PKD1: variants seen among roughly 807,000 people sequenced by gnomAD.
PKD1 encodes the protein polycystin 1, transient receptor potential channel interacting.
A neutral mutation model predicts 361.7 loss-of-function variants in PKD1; 81 were observed. That is an observed-to-expected ratio of 0.22 (90% confidence interval 0.19 to 0.27). PKD1 has a LOEUF of 0.27. Ranked by LOEUF, PKD1 falls within the 10% of genes least tolerant of loss-of-function variation. PKD1 has a pLI of 1.00. For synonymous variants in PKD1, 3,615 were observed against 2,818.3 expected (o/e 1.28, Z -8.95); for missense variants, 6,399 against 6,118.3 (o/e 1.05, Z -1.53).
intron 34 of PKD1, among the ~76,000 whole-genome samples, chr16:2,096,009 A>G (rs1175978276): frequency 6.6e-6 from 1 of 152,176 alleles, no homozygotes; most frequent in Non-Finnish European, 1.5e-5. Flanking sequence ...TTTTTGTTTG[A>G]GTCCAGGGGC....
intron 1 of PKD1, among the ~76,000 whole-genome samples, chr16:2,123,028 G>A (rs1182734150): frequency 6.6e-6 from 1 of 152,222 alleles, no homozygotes; most frequent in Non-Finnish European, 1.5e-5. Flanking sequence ...CAGGGCAGGG[G>A]TGGGGGCAGG....
In PKD1 at chr16:2,110,220, C is replaced by G. The variant is rs768122483; in HGVS notation, c.4947G>C (p.Thr1649=). 6.2e-7 allele frequency: 1 copy of G among 1,612,026 alleles called. No homozygotes were observed. Among genetic ancestry groups the G allele is most frequent in the Non-Finnish European group, 8.5e-7 (1 of 1,179,808 alleles). The change falls in exon 15 of 46, where the codon ACG becomes ACC. Residue 1649 remains threonine, a synonymous_variant. Transcript: ENST00000262304. ...GGGRYFPTNH[T]VQLQAVVRDG... is the part of the protein sequence containing the mutation. ...CCCTAACCACGGCCTGCAGCTGTAC[C>G]GTGTGGTTGGTGGGGAAGTAGCGGC...
Position 2,090,201 on chromosome 16 carries a change from G to T in PKD1, c.12445-7C>A. 3 of 1,606,632 alleles carry T rather than the reference G, an allele frequency of 1.9e-6. No individual in the cohort carries two copies. The highest frequency in any genetic ancestry group is 4.5e-5 in the East Asian group (2 of 44,760). On this transcript the variant is annotated splice_polypyrimidine_tract_variant and splice_region_variant and intron_variant, in intron 45 of 45. Coordinates refer to ENST00000262304, the MANE Select transcript of PKD1 (RefSeq NM_001009944.3). Reference sequence around the variant, plus strand: ...AGCGGACTTTGTGGCGGAACTGGGGGCGGCACAGGGGCTCAGTCAGTCCGG... The same window carrying T: ...AGCGGACTTTGTGGCGGAACTGGGGTCGGCACAGGGGCTCAGTCAGTCCGG...
intron 24 of PKD1, 90 bp downstream of exon 24, chr16:2,102,724 C>T: frequency 6.2e-7 from 1 of 1,605,478 alleles, no homozygotes; most frequent in Non-Finnish European, 8.5e-7. Flanking sequence ...AGTCCCCTCG[C>T]TGCCTGCCGT....
chr16:2,126,340 A>G (rs1256430040), intron 1 of PKD1, among the ~76,000 whole-genome samples: 1 of 152,254 alleles, frequency 6.6e-6, no homozygotes, highest in Non-Finnish European at 1.5e-5. Flanking sequence ...GCCTCACAGA[A>G]GCCAGCCTGT....
rs2092559834 is a variant in PKD1, at chr16:2,113,047, C to A, written c.2986-84G>T. On this transcript the variant is annotated intron_variant, in intron 12 of 45. Transcript: ENST00000262304. Reference sequence around the variant, plus strand: ...CGTCCCTCCCTCCACTCACCCACAGCCATGGCAGCGTCCTCGGGCAGCATG... The same window carrying A: ...CGTCCCTCCCTCCACTCACCCACAGACATGGCAGCGTCCTCGGGCAGCATG... The A allele has an allele frequency of 2.1e-6, 3 of 1,423,012 alleles. No individual in the cohort carries two copies. In the South Asian group the frequency reaches 3.4e-5, roughly 16 times the overall value. 88.1% of individuals were successfully genotyped at this position (1,423,012 alleles called of 1,614,324 possible).
chr16:2,103,122 C>G, intron 23 of PKD1, 144 bp downstream of exon 23: 1 of 1,291,900 alleles, frequency 7.7e-7, no homozygotes, highest in Non-Finnish European at 1.1e-6. Context: ...TCCGTGGCCC[C>G]CAGCTCCTCT....
chr16:2,112,467 G>A lies in PKD1; in HGVS notation c.3168C>T (p.Thr1056=), dbSNP rs770188395. ...DSAVEVAFLW[T]FGDGEQALHQ... is the part of the protein sequence containing the mutation. ...GGAGGGCCTGCTCCCCATCCCCAAA[G>A]GTCCACCTGCCGGGGCGGTGGGACG... The change falls in exon 14 of 46, where the codon ACC becomes ACT. Residue 1056 remains threonine, a synonymous_variant. Transcript: ENST00000262304. 16 of 1,588,988 alleles carry A rather than the reference G, an allele frequency of 1.0e-5. No individual in the cohort carries two copies. Among genetic ancestry groups the A allele is most frequent in the Middle Eastern group, 4.5e-4 (2 of 4,414 alleles).
At chr16:2,120,083 G>A (rs1296939714) in intron 1 of PKD1, 5 of 577,250 alleles carry the variant, frequency 8.7e-6, no homozygotes, top group African/African-American at 5.6e-5. Context: ...GGCGGCATGC[G>A]CCTGGGGTCC....
chr16:2,090,330 G>C lies in PKD1; in HGVS notation c.12399C>G (p.Phe4133Leu). 1.9e-6 allele frequency: 3 copies of C among 1,612,234 alleles called. No individual in the cohort carries two copies. The highest frequency in any genetic ancestry group is 2.5e-6 in the Non-Finnish European group (3 of 1,179,650). ...CCATCCAGAGGCGCAGCCTGCGCAG[G>C]AACAACTCCACCATCTCGTAGTCCT... ...EPQDYEMVELFLRRLRLWMGL... is the reference protein window; with the variant it reads ...EPQDYEMVELLLRRLRLWMGL... Residue 4133 changes from phenylalanine to leucine, a missense_variant, in exon 45 of 46, where the codon TTC becomes TTG. By Grantham distance (22) the Phe-to-Leu change is conservative. Transcript: ENST00000262304.
At chr16:2,105,025 AGGGAAG>A (rs1299033166) in intron 21 of PKD1, among the ~76,000 whole-genome samples, 1 of 32,508 alleles carries the variant, frequency 3.1e-5, no homozygotes, top group East Asian at 9.6e-4. Context: ...GGGCTAGGGG[AGGGAAG>A]GGGGAGGGGA....
At position 2,094,163 on chromosome 16, in the gene PKD1, A is replaced by G; in HGVS notation, c.10547T>C (p.Leu3516Pro). ...EKTETLALQR[L>P]GELGPPSPGL... ...TGGGCTGGGTGGCCCCAGCTCCCCC[A>G]GCCTCTGCAGCGCCAGCGTCTCTGT... Residue 3516 changes from leucine to proline, a missense_variant, in exon 35 of 46, where the codon CTG (leucine) becomes CCG (proline). Coordinates refer to ENST00000262304, the MANE Select transcript of PKD1 (RefSeq NM_001009944.3). 1 of 1,604,700 alleles carries G rather than the reference A, an allele frequency of 6.2e-7. No individual in the cohort carries two copies. Among genetic ancestry groups the G allele is most frequent in the Non-Finnish European group, 8.5e-7 (1 of 1,175,778 alleles).
chr16:2,091,084 C>T lies in PKD1; in HGVS notation c.11803G>A (p.Ala3935Thr), dbSNP rs1412564175. 1.6e-5 allele frequency: 24 copies of T among 1,508,118 alleles called. No homozygotes were observed. The highest frequency in any genetic ancestry group is 2.6e-5 in the East Asian group (1 of 38,222). 93.4% of individuals were successfully genotyped at this position (1,508,118 alleles called of 1,614,324 possible). A position where few individuals can be genotyped will look rare whatever the true frequency, so the allele number is the denominator to read the frequency against. ...GCCACCAGCAGCCACCGCGCCCAGG[C>T]TCCGAGCCGCAGCACGCGCCAGCGC... ...EGRWRVLRLG[A>T]WARWLLVALT... Residue 3935 changes from alanine (A) to threonine (T), a missense_variant, in exon 43 of 46, where the codon GCC becomes ACC. Coordinates refer to ENST00000262304, the MANE Select transcript of PKD1 (RefSeq NM_001009944.3).
intron 1 of PKD1, among the ~76,000 whole-genome samples, chr16:2,128,371 C>G (rs1205074697): frequency 6.7e-6 from 1 of 150,000 alleles, no homozygotes. Context: ...AGCACCCAAG[C>G]AGCTGCACCT....
At position 2,117,474 on chromosome 16, in the gene PKD1, G is replaced by T. The variant is rs1033460926; in HGVS notation, c.1385+15C>A. ...TCTCCCAACCTATGGCCCCTCGGGG[G>T]GTGGGGGCAGGCACCTGGTGACCCG... is the stretch of plus-strand genomic sequence containing the variant. On this transcript the variant is annotated intron_variant, in intron 6 of 45. Coordinates refer to ENST00000262304, the MANE Select transcript of PKD1 (RefSeq NM_001009944.3). 3.2e-5 allele frequency: 46 copies of T among 1,448,042 alleles called. No homozygotes were observed. The highest frequency in any genetic ancestry group is 4.0e-5 in the Non-Finnish European group (42 of 1,056,962). The allele number at this position is 1,448,042 out of a possible 1,614,324, so 89.7% of individuals were successfully genotyped here.
chr16:2,104,173 G>A (rs1444675802), intron 22 of PKD1, among the ~76,000 whole-genome samples: 2 of 17,836 alleles, frequency 1.1e-4, no homozygotes, highest in Non-Finnish European at 2.0e-4. Context: ...AAGAAGAGGA[G>A]CAGGGGGAAA....
intron 21 of PKD1, among the ~76,000 whole-genome samples, chr16:2,105,115 C>A (rs938973460): frequency 1.3e-5 from 2 of 148,190 alleles, no homozygotes; most frequent in African/African-American, 5.0e-5. Context: ...TCTTTACACC[C>A]TGGGTCCCCC....
In PKD1 at chr16:2,112,479, G is replaced by T; in HGVS notation, c.3162-6C>A. ...CCCCATCCCCAAAGGTCCACCTGCCGGGGCGGTGGGACGCAGTGAGTGAAC... is the reference window on the plus strand; with the variant it reads ...CCCCATCCCCAAAGGTCCACCTGCCTGGGCGGTGGGACGCAGTGAGTGAAC... On this transcript the variant is annotated splice_polypyrimidine_tract_variant and splice_region_variant and intron_variant, in intron 13 of 45. Coordinates refer to ENST00000262304, the MANE Select transcript of PKD1 (RefSeq NM_001009944.3). 1 of 1,586,812 alleles carries T rather than the reference G, an allele frequency of 6.3e-7. No individual in the cohort carries two copies. Among genetic ancestry groups the T allele is most frequent in the Non-Finnish European group, 8.5e-7 (1 of 1,174,944 alleles).
rs1222757373 is a variant in PKD1, at chr16:2,104,293, G to C, written c.8161+205C>G. On this transcript the variant is annotated intron_variant, in intron 22 of 45. Transcript: ENST00000262304. ...GGGGGGGGAAATGGAGAAAAGGGGA[G>C]AGAGATGGAGAAAAGGGATGGTAAT... Among the ~76,000 whole-genome samples the C allele has an allele frequency of 5.5e-5, 4 of 72,344 alleles. No individual in the cohort carries two copies. In the East Asian group the frequency reaches 1.9e-3, roughly 35 times the overall value. The allele number at this position is 72,344 out of a possible 152,430, so 47.5% of individuals were successfully genotyped here.
Sources: allele counts gnomAD v4.1 joint callset (sites outside exome capture counted in the v4.1 genomes callset), GRCh38; gene constraint gnomAD v4.1.1; transcripts MANE v1.5; gene names NCBI Gene and HGNC (gene_info 2026-07-23, HGNC 2026-07-21).